Variants in ROBO2 observed in about 807,000 individuals in gnomAD.
ROBO2 encodes the protein roundabout homolog 2.
In ROBO2, 53 loss-of-function variants were observed where a neutral mutation model predicts 160.8. The ratio of observed to expected loss-of-function variants is 0.33; its 90% CI spans 0.26 to 0.41. The LOEUF (loss-of-function observed/expected upper bound fraction) is 0.41, where lower values mean the gene tolerates loss of function less well. ROBO2 is among the 10% of genes least tolerant of loss of function. ROBO2 has a pLI of 1.00. For missense variants in ROBO2, 1,577 were observed against 1,722.4 expected (o/e 0.92, Z 1.49); for synonymous variants, 664 against 611.7 (o/e 1.09, Z -1.26).
At chr3:77,483,138 C>T (rs1022609497) in intron 4 of ROBO2, among the ~76,000 whole-genome samples, 3 of 152,010 alleles carry the variant, frequency 2.0e-5, no homozygotes, top group South Asian at 2.1e-4. Context: ...ATTTAGGAAA[C>T]GGAGAATGTT....
At chr3:77,223,282 A>G (rs746960843) in intron 2 of ROBO2, among the ~76,000 whole-genome samples, 40 of 152,130 alleles carry the variant, frequency 2.6e-4, no homozygotes, top group Non-Finnish European at 4.9e-4. Flanking sequence ...TTTTTATATC[A>G]GTTAGAGCTC....
chr3:76,709,850 G>A (rs2107584687), intron 2 of ROBO2, among the ~76,000 whole-genome samples: 1 of 152,168 alleles, frequency 6.6e-6, no homozygotes, highest in East Asian at 1.9e-4. Context: ...GCTGTTAGAG[G>A]CCACACTGTC....
At chr3:76,261,509 T>C (rs1347480896) in intron 2 of ROBO2, among the ~76,000 whole-genome samples, 4 of 152,108 alleles carry the variant, frequency 2.6e-5, no homozygotes, top group African/African-American at 7.2e-5. Context: ...TATACAATTA[T>C]GTTATTTTGT....
chr3:76,087,606 A>T (rs534184134), intron 2 of ROBO2, among the ~76,000 whole-genome samples: 1 of 152,206 alleles, frequency 6.6e-6, no homozygotes, highest in African/African-American at 2.4e-5. Context: ...AAAAGGAATA[A>T]GTGAAGATAA....
chr3:77,218,447 T>C (rs2085274146), intron 2 of ROBO2, among the ~76,000 whole-genome samples: 1 of 151,626 alleles, frequency 6.6e-6, no homozygotes, highest in South Asian at 2.1e-4. Flanking sequence ...TGATCTTGGC[T>C]CACGCAAACT....
chr3:76,051,929 A>T (rs2067666633), intron 2 of ROBO2, among the ~76,000 whole-genome samples: 1 of 152,196 alleles, frequency 6.6e-6, no homozygotes, highest in African/African-American at 2.4e-5. Context: ...CCATAATTGA[A>T]TGATCTAAAT....
chr3:76,495,000 A>G (rs994415233), intron 2 of ROBO2, among the ~76,000 whole-genome samples: 1 of 152,162 alleles, frequency 6.6e-6, no homozygotes, highest in Non-Finnish European at 1.5e-5. Context: ...TTGTGAATGT[A>G]CTGAATACCA....
chr3:77,139,486 T>C (rs2076536924), intron 2 of ROBO2, among the ~76,000 whole-genome samples: 1 of 152,210 alleles, frequency 6.6e-6, no homozygotes, highest in African/African-American at 2.4e-5. Context: ...TCTACCAATG[T>C]ATTAAGAGCC....
chr3:77,531,955 GCAT>G (rs1315125154), intron 6 of ROBO2, among the ~76,000 whole-genome samples: 2 of 152,112 alleles, frequency 1.3e-5, no homozygotes, highest in Non-Finnish European at 2.9e-5. Context: ...TTATTATTAA[GCAT>G]CAGGTTTTCC....
chr3:76,936,607 A>G (rs1357514322), intron 2 of ROBO2, among the ~76,000 whole-genome samples: 2 of 151,624 alleles, frequency 1.3e-5, no homozygotes, highest in Admixed American at 6.6e-5. Context: ...AATTACCACT[A>G]ACATGTTAAC....
intron 2 of ROBO2, among the ~76,000 whole-genome samples, chr3:77,254,892 C>A (rs954538173): frequency 1.3e-5 from 2 of 152,222 alleles, no homozygotes; most frequent in African/African-American, 4.8e-5. Context: ...GATCTTCTGA[C>A]ACAAGGTCTA....
chr3:76,126,411 C>G (rs986666441), intron 2 of ROBO2, among the ~76,000 whole-genome samples: 1 of 151,976 alleles, frequency 6.6e-6, no homozygotes, highest in East Asian at 1.9e-4. Flanking sequence ...GATAGCATAA[C>G]GCTTATTTAG....
intron 2 of ROBO2, among the ~76,000 whole-genome samples, chr3:75,956,093 C>T (rs1346042461): frequency 6.6e-6 from 1 of 151,718 alleles, no homozygotes; most frequent in Non-Finnish European, 1.5e-5. Flanking sequence ...TTAGACTGCA[C>T]AAGGGTGAAT....
chr3:77,483,164 G>A (rs1032001271), intron 4 of ROBO2, among the ~76,000 whole-genome samples: 1 of 152,116 alleles, frequency 6.6e-6, no homozygotes, highest in African/African-American at 2.4e-5. Flanking sequence ...GATGGTGTAA[G>A]CTAGTCAGAA....
chr3:76,607,123 G>A (rs1053564773), intron 2 of ROBO2, among the ~76,000 whole-genome samples: 1 of 151,764 alleles, frequency 6.6e-6, no homozygotes, highest in Non-Finnish European at 1.5e-5. Flanking sequence ...ATGTGATCAT[G>A]GTGCACTGTG....
chr3:76,671,558 G>T (rs2092263069), intron 2 of ROBO2, among the ~76,000 whole-genome samples: 1 of 152,040 alleles, frequency 6.6e-6, no homozygotes, highest in African/African-American at 2.4e-5. Context: ...CTCATAGGTT[G>T]CTGTTTTGTA....
chr3:77,121,710 G>C (rs973518406), intron 2 of ROBO2, among the ~76,000 whole-genome samples: 2 of 152,046 alleles, frequency 1.3e-5, no homozygotes, highest in African/African-American at 2.4e-5. Flanking sequence ...TTATATATTA[G>C]TGTTGGAATT....
At chr3:76,476,447 G>A (rs532782431) in intron 2 of ROBO2, among the ~76,000 whole-genome samples, 3 of 152,040 alleles carry the variant, frequency 2.0e-5, no homozygotes, top group East Asian at 3.9e-4. Flanking sequence ...TGATGATGTC[G>A]GAAACAACAC....
intron 2 of ROBO2, among the ~76,000 whole-genome samples, chr3:76,661,168 T>G: frequency 6.6e-6 from 1 of 152,166 alleles, no homozygotes; most frequent in African/African-American, 2.4e-5. Flanking sequence ...GTCAAGTGAC[T>G]AAGATAAAAG....
Sources: allele counts gnomAD v4.1 joint callset (sites outside exome capture counted in the v4.1 genomes callset), GRCh38; gene constraint gnomAD v4.1.1; transcripts MANE v1.5; gene names NCBI Gene and HGNC (gene_info 2026-07-23, HGNC 2026-07-21).